The following DNAJB14 variants were observed in gnomAD, a reference collection of about 807,000 sequenced individuals.
The protein encoded by DNAJB14 is DnaJ heat shock protein family (Hsp40) member B14.
Under a neutral mutation model 48.4 loss-of-function variants are expected in DNAJB14, and 22 were observed. That is an observed-to-expected ratio of 0.45 (90% confidence interval 0.32 to 0.65). The LOEUF is 0.65. DNAJB14 is among the 30% of genes least tolerant of loss of function. The pLI, the probability that DNAJB14 is intolerant of heterozygous loss-of-function variation, is 0.03. For missense variants in DNAJB14, 319 were observed against 458.8 expected (o/e 0.70, Z 2.78); for synonymous variants, 142 against 158.7 (o/e 0.89, Z 0.79).
At chr4:99,940,778 T>C (rs1415227971) in intron 1 of DNAJB14, among the ~76,000 whole-genome samples, 1 of 152,008 alleles carries the variant, frequency 6.6e-6, no homozygotes, top group Non-Finnish European at 1.5e-5. Flanking sequence ...CTTAATTTTC[T>C]TCAATTGTTG....
intron 5 of DNAJB14, chr4:99,906,002 T>C: frequency 2.3e-6 from 3 of 1,296,268 alleles, no homozygotes; most frequent in South Asian, 1.4e-5. Context: ...ACAGAGACGC[T>C]ATCAATATGC....
intron 1 of DNAJB14, among the ~76,000 whole-genome samples, chr4:99,932,700 T>C (rs953082589): frequency 5.3e-5 from 8 of 152,308 alleles, no homozygotes; most frequent in African/African-American, 1.4e-4. Context: ...CAAATGTTCA[T>C]TGCAACATTA....
chr4:99,923,880 G>GA (rs1284590335), intron 2 of DNAJB14: 3 of 984,966 alleles, frequency 3.0e-6, no homozygotes, highest in Non-Finnish European at 3.6e-6. Context: ...ATCACTCTCT[G>GA]AAAAAGATAA....
At chr4:99,933,092 G>A (rs1249706356) in intron 1 of DNAJB14, among the ~76,000 whole-genome samples, 3 of 152,062 alleles carry the variant, frequency 2.0e-5, no homozygotes, top group Non-Finnish European at 4.4e-5. Context: ...GTGCAGCTCT[G>A]TTAAAATACT....
chr4:99,921,842 T>A (rs757116042), intron 3 of DNAJB14, among the ~76,000 whole-genome samples: 148 of 152,328 alleles, frequency 9.7e-4, no homozygotes, highest in Non-Finnish European at 1.8e-3. Flanking sequence ...TTCTGTACTA[T>A]TGAATTATAA....
At chr4:99,915,273 G>A (rs1725813741) in intron 3 of DNAJB14, among the ~76,000 whole-genome samples, 1 of 152,116 alleles carries the variant, frequency 6.6e-6, no homozygotes, top group Non-Finnish European at 1.5e-5. Context: ...GAGTAGCTGG[G>A]ACCACAGGCG....
intron 1 of DNAJB14, among the ~76,000 whole-genome samples, chr4:99,931,733 C>CATATAT (rs70958338): frequency 1.4e-5 from 2 of 146,206 alleles, no homozygotes; most frequent in Non-Finnish European, 3.0e-5. Flanking sequence ...GAATTATTAC[C>CATATAT]ATATATATAT....
intron 3 of DNAJB14, among the ~76,000 whole-genome samples, chr4:99,916,239 A>T (rs1725851241): frequency 6.6e-6 from 1 of 152,134 alleles, no homozygotes; most frequent in Non-Finnish European, 1.5e-5. Context: ...CCCAGGCTCA[A>T]GTGATTCTCC....
chr4:99,902,226 T>A (rs1419173007), intron 7 of DNAJB14, among the ~76,000 whole-genome samples: 3 of 151,792 alleles, frequency 2.0e-5, no homozygotes, highest in African/African-American at 7.3e-5. Flanking sequence ...AAGTACTGCT[T>A]GGGCTGGATA....
chr4:99,930,478 T>C lies in DNAJB14; in HGVS notation c.277A>G (p.Thr93Ala). The change falls in exon 2 of 8, where the codon ACC becomes GCC. Residue 93 changes from threonine (T) to alanine (A), a missense_variant. Physicochemically the swap from Thr to Ala is moderately conservative, Grantham distance 58. This residue lies in a region of DNAJB14 where 116 missense variants were observed against 134.6 expected (regional missense o/e 0.86). Coordinates refer to ENST00000442697, the MANE Select transcript of DNAJB14 (RefSeq NM_001031723.4). ...AGAACTCCATCTACTTGGTCTTTGG[T>C]ATAGCCTTTTCCACCTTCACCACTA... Reference protein sequence around the residue: ...SGSGEGGKGYTKDQVDGVLSI... With the variant: ...SGSGEGGKGYAKDQVDGVLSI... The C allele has an allele frequency of 6.2e-7, 1 of 1,607,264 alleles. No homozygotes were observed. Among genetic ancestry groups the C allele is most frequent in the Non-Finnish European group, 8.5e-7 (1 of 1,176,666 alleles).
At chr4:99,915,431 C>G (rs1725821196) in intron 3 of DNAJB14, among the ~76,000 whole-genome samples, 1 of 152,196 alleles carries the variant, frequency 6.6e-6, no homozygotes, top group Non-Finnish European at 1.5e-5. Flanking sequence ...GCCACTGTGC[C>G]TGGCCAAGTT....
At position 99,923,202 on chromosome 4, in the gene DNAJB14, G is replaced by A. The variant is rs1192027237; in HGVS notation, c.306-17C>T. ...TTGTTTATGCTGTGAACAAGAGAGT[G>A]TGTTATAATGTAAATTTCAAGGAAG... On this transcript the variant is annotated splice_polypyrimidine_tract_variant and intron_variant, in intron 2 of 7. Coordinates refer to ENST00000442697, the MANE Select transcript of DNAJB14 (RefSeq NM_001031723.4). The A allele has an allele frequency of 1.9e-6, 3 of 1,579,236 alleles. No homozygotes were observed. The highest frequency in any genetic ancestry group is 2.7e-5 in the African/African-American group (2 of 73,212).
chr4:99,912,113 A>G (rs1193327837), intron 3 of DNAJB14, among the ~76,000 whole-genome samples: 1 of 152,204 alleles, frequency 6.6e-6, no homozygotes, highest in African/African-American at 2.4e-5. Flanking sequence ...TTGCCTCAAA[A>G]CCAACTGTTG....
intron 4 of DNAJB14, among the ~76,000 whole-genome samples, chr4:99,907,578 T>C (rs1422616095): frequency 1.3e-5 from 2 of 151,988 alleles, no homozygotes; most frequent in African/African-American, 4.8e-5. Flanking sequence ...CTTGGGAGGC[T>C]GAGATGGGAG....
chr4:99,938,635 C>T (rs944832531), intron 1 of DNAJB14, among the ~76,000 whole-genome samples: 6 of 151,530 alleles, frequency 4.0e-5, no homozygotes, highest in African/African-American at 7.3e-5. Flanking sequence ...ATAAAGCAAA[C>T]GTAAAAATTT....
chr4:99,908,277 G>C (rs1725536356), intron 4 of DNAJB14, among the ~76,000 whole-genome samples: 1 of 152,038 alleles, frequency 6.6e-6, no homozygotes, highest in African/African-American at 2.4e-5. Flanking sequence ...AATGGAAATA[G>C]AGATGAGTAC....
intron 1 of DNAJB14, among the ~76,000 whole-genome samples, chr4:99,935,390 A>C (rs71614623): frequency 0.1 from 15,605 of 152,272 alleles, 1,171 homozygotes; most frequent in East Asian, 0.35. Context: ...CAGTAAAGCC[A>C]CAGATGAACT....
chr4:99,933,171 C>T (rs1293736726), intron 1 of DNAJB14, among the ~76,000 whole-genome samples: 2 of 149,192 alleles, frequency 1.3e-5, no homozygotes, highest in African/African-American at 4.9e-5. Context: ...CTCAATAAAG[C>T]ATGTATATAT....
rs921433927 is a variant in DNAJB14 at position 99,899,093 on chromosome 4, A to G, written c.*1935T>C. ...AAAGCCATGTATGACTTTATAATAT[A>G]TACTTTATGGTATCACTTAACTTTG... On this transcript the variant is annotated 3_prime_UTR_variant, in exon 8 of 8. Coordinates refer to ENST00000442697, the MANE Select transcript of DNAJB14 (RefSeq NM_001031723.4). 6.6e-6 allele frequency: 1 copy of G among 151,936 alleles called. No homozygotes were observed. Among genetic ancestry groups the G allele is most frequent in the Non-Finnish European group, 1.5e-5 (1 of 67,824 alleles). The allele number at this position is 151,936 out of a possible 1,614,324, so 9.4% of individuals were successfully genotyped here. A position where few individuals can be genotyped will look rare whatever the true frequency, so the allele number is the denominator to read the frequency against.
Sources: allele counts gnomAD v4.1 joint callset (sites outside exome capture counted in the v4.1 genomes callset), GRCh38; gene constraint gnomAD v4.1.1; regional missense constraint gnomAD v4.1.1; transcripts MANE v1.5; gene names NCBI Gene and HGNC (gene_info 2026-07-23, HGNC 2026-07-21).